The following SNRNP40 variants were observed in gnomAD, a reference collection of about 807,000 sequenced individuals.
SNRNP40 encodes U5 small nuclear ribonucleoprotein 40 kDa protein.
In SNRNP40, 21 loss-of-function variants were observed where a neutral mutation model predicts 45.8. The observed-to-expected ratio is 0.46, with a 90% CI of 0.32 to 0.66. The LOEUF is 0.66. Among genes scored for constraint, SNRNP40 ranks in the 30% least tolerant of loss-of-function variants. The pLI, the probability that SNRNP40 is intolerant of heterozygous loss-of-function variation, is 0.03. For missense variants in SNRNP40, 344 were observed against 439.1 expected (o/e 0.78, Z 1.94); for synonymous variants, 142 against 163.8 (o/e 0.87, Z 1.01).
Position 31,292,005 on chromosome 1 carries a change from T to C in SNRNP40, c.273A>G (p.Leu91=). The C allele has an allele frequency of 6.3e-7, 1 of 1,595,878 alleles. No homozygotes were observed. The highest frequency in any genetic ancestry group is 8.6e-7 in the Non-Finnish European group (1 of 1,163,434). ...CACAGTCACCATAGACATTCCACAG[T>C]ACTGTTAGGGAGATGGGTTCTGTGA... ...LASAGFDRLI[L]LWNVYGDCDN... The change falls in exon 3 of 10, where the codon TTA becomes TTG. Residue 91 remains leucine, a splice_region_variant and synonymous_variant. Transcript: ENST00000263694.
chr1:31,293,877 A>G (rs746421291), intron 1 of SNRNP40, among the ~76,000 whole-genome samples: 5 of 152,002 alleles, frequency 3.3e-5, no homozygotes, highest in Non-Finnish European at 7.4e-5. Context: ...GGCCTGGCTC[A>G]TTTAACAAAT....
In SNRNP40 at chr1:31,268,189, T is replaced by C. The variant is rs537054072; in HGVS notation, c.859-257A>G. On this transcript the variant is annotated intron_variant, in intron 7 of 9. Transcript: ENST00000263694. ...AACAAAATTTTGTTCTACTTATAAA[T>C]GGAGGCTCCCTTTGCTCCATTTATC... Among the ~76,000 whole-genome samples the C allele has an allele frequency of 8.0e-4, 122 of 152,242 alleles. No homozygotes were observed. In the Middle Eastern group the frequency reaches 0.01, roughly 13 times the overall value.
At chr1:31,291,288 C>CAA (rs55857301) in intron 3 of SNRNP40, among the ~76,000 whole-genome samples, 2 of 128,690 alleles carry the variant, frequency 1.6e-5, no homozygotes, top group African/African-American at 2.8e-5. Context: ...AATTCCGTCT[C>CAA]AAAAAAAAAA....
rs777083079 is a variant in SNRNP40 at position 31,267,941 on chromosome 1, A to C, written c.859-9T>G. ...GAACATCTCAGAAGGTTCTATGATA[A>C]ACAAGAATCCACTGAATAGTAATAT... On this transcript the variant is annotated splice_polypyrimidine_tract_variant and intron_variant, in intron 7 of 9. Transcript: ENST00000263694. 2.5e-6 allele frequency: 4 copies of C among 1,606,248 alleles called. No homozygotes were observed. Among genetic ancestry groups the C allele is most frequent in the East Asian group, 2.2e-5 (1 of 44,782 alleles).
intron 4 of SNRNP40, among the ~76,000 whole-genome samples, chr1:31,283,046 G>A (rs760652391): frequency 2.0e-5 from 3 of 152,160 alleles, no homozygotes; most frequent in Non-Finnish European, 4.4e-5. Context: ...TGAGAAGGCC[G>A]TAAGCTCTCT....
chr1:31,284,048 T>A (rs1646038353), intron 4 of SNRNP40, among the ~76,000 whole-genome samples: 1 of 152,144 alleles, frequency 6.6e-6, no homozygotes, highest in African/African-American at 2.4e-5. Context: ...ACATGGTGAT[T>A]CCTCATCTCT....
At chr1:31,264,727 T>C (rs1019191374) in intron 8 of SNRNP40, among the ~76,000 whole-genome samples, 1 of 152,218 alleles carries the variant, frequency 6.6e-6, no homozygotes, top group African/African-American at 2.4e-5. Context: ...AGCCTTCCCG[T>C]AGCCTATAGG....
rs1051450399 is a variant in SNRNP40, at chr1:31,263,473, G to A, written c.921-1841C>T. 9 of 251,730 alleles carry A rather than the reference G, an allele frequency of 3.6e-5. 1 individual carries two copies. The highest frequency in any genetic ancestry group is 1.8e-4 in the South Asian group (5 of 27,350). 15.6% of individuals were successfully genotyped at this position (251,730 alleles called of 1,614,324 possible). ...GGATGACGGGCATGAGCCACCATGC[G>A]TGGCATATGGCACAATCTGTATGTA... On this transcript the variant is annotated intron_variant, in intron 8 of 9. Coordinates refer to ENST00000263694, the MANE Select transcript of SNRNP40 (RefSeq NM_004814.3).
chr1:31,261,958 TA>T (rs1204493717), intron 8 of SNRNP40: 2 of 197,442 alleles, frequency 1.0e-5, no homozygotes, highest in Non-Finnish European at 2.1e-5. Flanking sequence ...TCAGAGTGTC[TA>T]GTATAATTAG....
intron 4 of SNRNP40, among the ~76,000 whole-genome samples, chr1:31,288,335 T>C (rs771916878): frequency 6.1e-4 from 93 of 152,344 alleles, no homozygotes; most frequent in Non-Finnish European, 9.1e-4. Context: ...GGTACTATGA[T>C]GTACTGTGTC....
At chr1:31,294,869 G>C (rs1171582899) in intron 1 of SNRNP40, among the ~76,000 whole-genome samples, 1 of 151,360 alleles carries the variant, frequency 6.6e-6, no homozygotes, top group African/African-American at 2.4e-5. Flanking sequence ...TTGAACCCGG[G>C]TGGCGGAGGT....
chr1:31,291,134 C>T (rs560531214), intron 3 of SNRNP40, among the ~76,000 whole-genome samples: 1 of 150,390 alleles, frequency 6.6e-6, no homozygotes, highest in Admixed American at 6.6e-5. Context: ...ACAAAAAATA[C>T]AAAATTAGCC....
At chr1:31,273,236 G>A (rs1467994341) in intron 5 of SNRNP40, among the ~76,000 whole-genome samples, 2 of 152,120 alleles carry the variant, frequency 1.3e-5, no homozygotes, top group Non-Finnish European at 2.9e-5. Flanking sequence ...TAACAACTAG[G>A]AGAGAATGCA....
chr1:31,259,827 AAAG>A lies in SNRNP40; in HGVS notation c.*242_*244del. On this transcript the variant is annotated 3_prime_UTR_variant, in exon 10 of 10. Coordinates refer to ENST00000263694, the MANE Select transcript of SNRNP40 (RefSeq NM_004814.3). ...TGCATTAGAAAACAGGAAAAAAGAA[AAAG>A]AAAAAAAAAAACAGTCCCTGAAATC... is the stretch of plus-strand genomic sequence containing the variant. The A allele has an allele frequency of 1.5e-6, 1 of 662,532 alleles. No individual in the cohort carries two copies. The highest frequency in any genetic ancestry group is 1.8e-5 in the African/African-American group (1 of 55,470). The allele number at this position is 662,532 out of a possible 1,614,324, so 41.0% of individuals were successfully genotyped here. A position where few individuals can be genotyped will look rare whatever the true frequency, so the allele number is the denominator to read the frequency against.
chr1:31,284,291 G>A (rs1340254909), intron 4 of SNRNP40, among the ~76,000 whole-genome samples: 1 of 152,230 alleles, frequency 6.6e-6, no homozygotes, highest in African/African-American at 2.4e-5. Context: ...TGGGATTACA[G>A]GCATGCGCCA....
At chr1:31,261,662 G>C (rs1194436940) in intron 8 of SNRNP40, 30 bp from the exon 9 acceptor site, 1 of 1,471,476 alleles carries the variant, frequency 6.8e-7, no homozygotes, top group African/African-American at 1.4e-5. Context: ...GCAAGGGTAA[G>C]TCCTCTTAGA....
intron 7 of SNRNP40, among the ~76,000 whole-genome samples, chr1:31,268,618 C>CA (rs61281774): frequency 9.5e-4 from 139 of 145,634 alleles, no homozygotes; most frequent in South Asian, 3.5e-3. Context: ...AATGAGCTCT[C>CA]AAAAAAAAAA....
intron 4 of SNRNP40, among the ~76,000 whole-genome samples, chr1:31,286,121 T>C (rs1646055881): frequency 1.3e-5 from 2 of 152,064 alleles, no homozygotes; most frequent in Non-Finnish European, 2.9e-5. Flanking sequence ...TTGTTGCTCC[T>C]AAACCTTTTC....
Position 31,281,467 on chromosome 1 carries a change from G to A in SNRNP40, c.561C>T (p.Ile187=). 2.5e-6 allele frequency: 4 copies of A among 1,607,694 alleles called. No individual in the cohort carries two copies. Among genetic ancestry groups the A allele is most frequent in the Non-Finnish European group, 3.4e-6 (4 of 1,174,560 alleles). The change falls in exon 5 of 10, where the codon ATC becomes ATT. Residue 187 remains isoleucine (I), a synonymous_variant. Coordinates refer to ENST00000263694, the MANE Select transcript of SNRNP40 (RefSeq NM_004814.3). The part of the protein sequence containing the change: ...KLWDIRKKAA[I]QTFQNTYQVL... ...CCTGGTACGTGTTCTGAAATGTCTG[G>A]ATGGCTGCTTTCTTCCGGATGTCCC...
Sources: allele counts gnomAD v4.1 joint callset (sites outside exome capture counted in the v4.1 genomes callset), GRCh38; gene constraint gnomAD v4.1.1; transcripts MANE v1.5; gene names NCBI Gene and HGNC (gene_info 2026-07-23, HGNC 2026-07-21).